The following KIAA1328 variants were observed in gnomAD, a reference collection of about 807,000 sequenced individuals.
KIAA1328 encodes the protein KIAA1328.
Under a neutral mutation model 68.1 loss-of-function variants are expected in KIAA1328, and 52 were observed. The ratio of observed to expected loss-of-function variants is 0.76; its 90% CI spans 0.61 to 0.96. The LOEUF is 0.96. KIAA1328 is among the 40% of genes least tolerant of loss of function. KIAA1328 has a pLI of 0.00. For missense variants in KIAA1328, 641 were observed against 677.6 expected (o/e 0.95, Z 0.60); for synonymous variants, 232 against 239.4 (o/e 0.97, Z 0.28).
chr18:36,947,682 G>A (rs557159726), intron 5 of KIAA1328, among the ~76,000 whole-genome samples: 1 of 152,274 alleles, frequency 6.6e-6, no homozygotes, highest in Non-Finnish European at 1.5e-5. Flanking sequence ...TTTCAAAGGT[G>A]CTAGACTGGC....
chr18:36,863,228 T>C (rs956303344), intron 4 of KIAA1328, among the ~76,000 whole-genome samples: 1 of 152,100 alleles, frequency 6.6e-6, no homozygotes, highest in East Asian at 1.9e-4. Context: ...GAGTTAACTT[T>C]TGAATAACAT....
chr18:37,145,263 T>A (rs2058870726), intron 7 of KIAA1328, among the ~76,000 whole-genome samples: 1 of 152,000 alleles, frequency 6.6e-6, no homozygotes, highest in South Asian at 2.1e-4. Flanking sequence ...ACTAGAGAGA[T>A]TTTTCTAGAT....
chr18:37,072,100 T>A (rs543939803), intron 7 of KIAA1328, among the ~76,000 whole-genome samples: 4 of 152,316 alleles, frequency 2.6e-5, no homozygotes, highest in Admixed American at 2.6e-4. Context: ...TCTGTGTTTC[T>A]ATTTTTTTCT....
chr18:36,843,106 T>C (rs2150803326), intron 3 of KIAA1328, among the ~76,000 whole-genome samples: 1 of 152,274 alleles, frequency 6.6e-6, no homozygotes, highest in African/African-American at 2.4e-5. Flanking sequence ...CTTAACATTA[T>C]CCATAATACC....
At chr18:37,033,015 T>A (rs2054893984) in intron 6 of KIAA1328, among the ~76,000 whole-genome samples, 1 of 152,232 alleles carries the variant, frequency 6.6e-6, no homozygotes, top group African/African-American at 2.4e-5. Flanking sequence ...TTTTTAAGCC[T>A]GCTTACTCTT....
intron 7 of KIAA1328, among the ~76,000 whole-genome samples, chr18:37,156,204 C>T (rs1030184068): frequency 1.3e-5 from 2 of 151,896 alleles, no homozygotes; most frequent in South Asian, 4.2e-4. Context: ...GTCGGGAGTT[C>T]GAGACCAGCC....
At chr18:37,034,461 T>G (rs991763503) in intron 6 of KIAA1328, among the ~76,000 whole-genome samples, 1 of 152,162 alleles carries the variant, frequency 6.6e-6, no homozygotes, top group Non-Finnish European at 1.5e-5. Context: ...AAACATTTAT[T>G]TTCTGAAATA....
chr18:37,135,236 G>T (rs1006888859), intron 7 of KIAA1328, among the ~76,000 whole-genome samples: 4 of 152,108 alleles, frequency 2.6e-5, no homozygotes, highest in African/African-American at 9.7e-5. Context: ...TTGCTGGGTC[G>T]AACGGTAGTG....
chr18:36,863,718 A>G (rs1194398098), intron 4 of KIAA1328, among the ~76,000 whole-genome samples: 1 of 152,162 alleles, frequency 6.6e-6, no homozygotes, highest in Non-Finnish European at 1.5e-5. Context: ...TTCAGGATAA[A>G]GATACTATAC....
intron 8 of KIAA1328, among the ~76,000 whole-genome samples, chr18:37,167,518 T>TCTTCCAAC (rs974385153): frequency 2.0e-5 from 3 of 152,240 alleles, no homozygotes; most frequent in African/African-American, 7.2e-5. Context: ...GGCTGGACTC[T>TCTTCCAAC]CTTCCAACCG....
At chr18:37,044,470 A>G (rs2055384128) in intron 6 of KIAA1328, among the ~76,000 whole-genome samples, 1 of 152,144 alleles carries the variant, frequency 6.6e-6, no homozygotes, top group Non-Finnish European at 1.5e-5. Flanking sequence ...AAAAAACACA[A>G]GGCTTGTGTG....
At chr18:37,173,394 A>G (rs991252569) in intron 9 of KIAA1328, among the ~76,000 whole-genome samples, 3 of 152,226 alleles carry the variant, frequency 2.0e-5, no homozygotes, top group African/African-American at 7.2e-5. Context: ...ATACATTTAG[A>G]CTATAAGTTT....
At chr18:37,140,553 C>T (rs1556899471) in intron 7 of KIAA1328, among the ~76,000 whole-genome samples, 1 of 151,986 alleles carries the variant, frequency 6.6e-6, no homozygotes, top group Non-Finnish European at 1.5e-5. Context: ...AATGTTTTTT[C>T]TTTCCCCACC....
intron 4 of KIAA1328, among the ~76,000 whole-genome samples, chr18:36,862,663 A>G (rs1170127622): frequency 6.6e-6 from 1 of 152,182 alleles, no homozygotes; most frequent in East Asian, 1.9e-4. Context: ...ATGAACATCC[A>G]TATGTAGGTT....
chr18:37,136,267 G>C (rs1223138691), intron 7 of KIAA1328, among the ~76,000 whole-genome samples: 1 of 151,928 alleles, frequency 6.6e-6, no homozygotes, highest in Admixed American at 6.6e-5. Context: ...ACCAACATGA[G>C]GTCCTATAAA....
intron 6 of KIAA1328, among the ~76,000 whole-genome samples, chr18:37,011,550 T>C (rs905461520): frequency 6.6e-6 from 1 of 152,186 alleles, no homozygotes; most frequent in Non-Finnish European, 1.5e-5. Flanking sequence ...AATGAAAATG[T>C]ACCTGCACAT....
intron 6 of KIAA1328, among the ~76,000 whole-genome samples, chr18:36,995,406 C>T (rs1045692328): frequency 2.5e-4 from 38 of 152,132 alleles, no homozygotes; most frequent in African/African-American, 8.2e-4. Flanking sequence ...TGAATAGTGC[C>T]GCAATAAATA....
intron 3 of KIAA1328, among the ~76,000 whole-genome samples, chr18:36,840,868 C>T (rs746608045): frequency 9.9e-5 from 15 of 151,756 alleles, no homozygotes; most frequent in African/African-American, 2.7e-4. Flanking sequence ...AAGCAGACCG[C>T]GAGATGGAAT....
intron 6 of KIAA1328, among the ~76,000 whole-genome samples, chr18:37,019,684 G>T (rs932546325): frequency 6.6e-6 from 1 of 152,236 alleles, no homozygotes; most frequent in Non-Finnish European, 1.5e-5. Flanking sequence ...CCACCTGGGC[G>T]TGGAACAGAG....
Sources: gnomAD v4.1 joint callset for allele counts (sites outside exome capture counted in the v4.1 genomes callset) on GRCh38, gnomAD v4.1.1 for gene constraint, MANE v1.5 for transcripts, NCBI Gene and HGNC (gene_info 2026-07-23, HGNC 2026-07-21) for gene names.